The following PLCB1 variants were observed in gnomAD, a reference collection of about 807,000 sequenced individuals.
PLCB1 encodes 1-phosphatidylinositol 4,5-bisphosphate phosphodiesterase beta-1.
PLCB1 carries 46 observed loss-of-function variants against 161.8 expected under a neutral mutation model. The observed-to-expected ratio is 0.28, with a 90% CI of 0.22 to 0.36. The LOEUF is 0.36. Among genes scored for constraint, PLCB1 ranks in the 10% least tolerant of loss-of-function variants. The pLI is 1.00. For missense variants in PLCB1, 1,016 were observed against 1,472.5 expected, an observed-to-expected ratio of 0.69 and a Z score of 5.07; for synonymous variants, 517 against 503.7, an observed-to-expected ratio of 1.03 and a Z score of -0.35.
At chr20:8,588,246 A>G (rs1987048035) in intron 3 of PLCB1, among the ~76,000 whole-genome samples, 1 of 152,192 alleles carries the variant, frequency 6.6e-6, no homozygotes, top group African/African-American at 2.4e-5. Context: ...GATGAAAGAA[A>G]TAATTTTCAA....
intron 7 of PLCB1, among the ~76,000 whole-genome samples, chr20:8,650,593 G>A (rs548545050): frequency 6.6e-5 from 10 of 152,264 alleles, no homozygotes; most frequent in East Asian, 3.9e-4. Flanking sequence ...CCACTGGCTC[G>A]TCCTTGAATT....
chr20:8,657,152 C>T (rs747508655), intron 7 of PLCB1, 32 bp from the exon 8 acceptor site: 2 of 1,234,266 alleles, frequency 1.6e-6, no homozygotes, highest in Non-Finnish European at 2.4e-6. Context: ...AGGAAAAAGA[C>T]CATTTGCTGA....
At chr20:8,773,936 T>G (rs1413103055) in intron 26 of PLCB1, among the ~76,000 whole-genome samples, 2 of 149,008 alleles carry the variant, frequency 1.3e-5, no homozygotes, top group African/African-American at 5.2e-5. Context: ...ATCATGCCAC[T>G]GCACTCCAGC....
intron 2 of PLCB1, among the ~76,000 whole-genome samples, chr20:8,287,438 A>G (rs2745766): frequency 0.016 from 2,437 of 152,230 alleles, 76 homozygotes; most frequent in African/African-American, 0.056. Flanking sequence ...CCAATACCTC[A>G]TCTTGTCCCC....
chr20:8,208,768 C>T (rs980638602), intron 2 of PLCB1, among the ~76,000 whole-genome samples: 4 of 151,808 alleles, frequency 2.6e-5, no homozygotes, highest in East Asian at 1.9e-4. Context: ...TTTTTTTTCA[C>T]ATTTCATGAG....
At chr20:8,592,486 G>A (rs1195494920) in intron 3 of PLCB1, among the ~76,000 whole-genome samples, 2 of 152,144 alleles carry the variant, frequency 1.3e-5, no homozygotes, top group African/African-American at 4.8e-5. Flanking sequence ...TGGCATTTCT[G>A]GCCAGCATAC....
intron 3 of PLCB1, among the ~76,000 whole-genome samples, chr20:8,545,130 TA>T (rs1353153239): frequency 3.9e-5 from 6 of 152,064 alleles, no homozygotes; most frequent in Non-Finnish European, 7.4e-5. Context: ...TGGAGTTAGA[TA>T]GGGGGAAAAA....
intron 31 of PLCB1, among the ~76,000 whole-genome samples, chr20:8,820,061 C>G (rs1455935242): frequency 6.8e-6 from 1 of 148,044 alleles, no homozygotes; most frequent in Non-Finnish European, 1.5e-5. Context: ...CATATAAATA[C>G]TTGTTACACT....
At chr20:8,881,486 T>C (rs2146337296) in intron 31 of PLCB1, 136 bp from the exon 32 acceptor site, 2 of 706,808 alleles carry the variant, frequency 2.8e-6, no homozygotes, top group East Asian at 2.5e-5. Context: ...ATCTCCTCTA[T>C]AGGTGACCAG....
intron 2 of PLCB1, among the ~76,000 whole-genome samples, chr20:8,170,537 C>T (rs967584385): frequency 2.0e-5 from 3 of 152,036 alleles, no homozygotes; most frequent in African/African-American, 7.2e-5. Flanking sequence ...CTTAGAACTT[C>T]TTAGGAAAAC....
intron 10 of PLCB1, among the ~76,000 whole-genome samples, chr20:8,686,981 A>G (rs1990374071): frequency 6.6e-6 from 1 of 151,418 alleles, no homozygotes. Context: ...TTAAGGCACG[A>G]GTTCACATAA....
intron 30 of PLCB1, among the ~76,000 whole-genome samples, chr20:8,789,891 G>A (rs148474927): frequency 4.6e-5 from 7 of 152,092 alleles, no homozygotes; most frequent in African/African-American, 7.2e-5. Flanking sequence ...TGGCAACCTC[G>A]AAGGGCTGTC....
chr20:8,479,356 C>T (rs538463963), intron 3 of PLCB1, among the ~76,000 whole-genome samples: 1 of 152,212 alleles, frequency 6.6e-6, no homozygotes, highest in Admixed American at 6.5e-5. Flanking sequence ...TCAGAAGATA[C>T]AATATTTTTA....
intron 12 of PLCB1, 63 bp from the exon 13 acceptor site, chr20:8,716,201 T>A: frequency 8.3e-7 from 1 of 1,204,754 alleles, no homozygotes; most frequent in East Asian, 2.3e-5. Flanking sequence ...CACAAAGCAA[T>A]CCTGTTCAGG....
At chr20:8,439,587 G>A (rs1980464195) in intron 3 of PLCB1, among the ~76,000 whole-genome samples, 1 of 152,108 alleles carries the variant, frequency 6.6e-6, no homozygotes, top group African/African-American at 2.4e-5. Flanking sequence ...TTGAAGTTGT[G>A]TCGTATTTAG....
At chr20:8,518,944 G>A (rs1338048972) in intron 3 of PLCB1, among the ~76,000 whole-genome samples, 1 of 151,912 alleles carries the variant, frequency 6.6e-6, no homozygotes, top group Non-Finnish European at 1.5e-5. Context: ...AGTTCCCAGT[G>A]GGGTTCTTGC....
At chr20:8,810,554 G>T (rs1265867503) in intron 31 of PLCB1, among the ~76,000 whole-genome samples, 2 of 152,100 alleles carry the variant, frequency 1.3e-5, no homozygotes, top group Admixed American at 1.3e-4. Context: ...AATGAGAATG[G>T]ATAAAATCCA....
intron 2 of PLCB1, among the ~76,000 whole-genome samples, chr20:8,249,900 G>A (rs947131191): frequency 6.6e-6 from 1 of 151,890 alleles, no homozygotes; most frequent in African/African-American, 2.4e-5. Flanking sequence ...AATTATTCAT[G>A]CTTCCAATGT....
intron 3 of PLCB1, among the ~76,000 whole-genome samples, chr20:8,585,632 C>A (rs1600170937): frequency 6.6e-6 from 1 of 152,028 alleles, no homozygotes. Flanking sequence ...GATGCTTTTT[C>A]TTTTTCCAAG....
Sources: allele counts gnomAD v4.1 joint callset (sites outside exome capture counted in the v4.1 genomes callset), GRCh38; gene constraint gnomAD v4.1.1; transcripts MANE v1.5; gene names NCBI Gene and HGNC (gene_info 2026-07-23, HGNC 2026-07-21).